The following PLCXD2 variants were observed in gnomAD, a reference collection of about 807,000 sequenced individuals.
The protein encoded by PLCXD2 is PI-PLC X domain-containing protein 2.
PLCXD2 carries 21 observed loss-of-function variants against 28.6 expected under a neutral mutation model. The ratio of observed to expected loss-of-function variants is 0.73; its 90% CI spans 0.52 to 1.06. The LOEUF (loss-of-function observed/expected upper bound fraction) is 1.06. PLCXD2 is among the 50% of genes least tolerant of loss of function. The probability of loss-of-function intolerance (pLI) is 0.00; values close to 1 mark genes in which losing one functional copy is unlikely to be tolerated. For missense variants in PLCXD2, 369 were observed against 376.7 expected (o/e 0.98, Z 0.17); for synonymous variants, 140 against 150.1 (o/e 0.93, Z 0.49).
At chr3:111,704,658 T>C (rs537827050) in intron 1 of PLCXD2, among the ~76,000 whole-genome samples, 34 of 152,322 alleles carry the variant, frequency 2.2e-4, no homozygotes, top group African/African-American at 8.2e-4. Flanking sequence ...ATCAGTGTAA[T>C]TGGTATAACC....
intron 3 of PLCXD2, chr3:111,724,513 G>A (rs1941389401): frequency 6.6e-6 from 1 of 152,188 alleles, no homozygotes; most frequent in Admixed American, 6.5e-5. Context: ...TTTATGGCGT[G>A]GCGGGACTTT....
intron 1 of PLCXD2, among the ~76,000 whole-genome samples, chr3:111,689,697 G>C (rs1004626512): frequency 6.6e-6 from 1 of 152,274 alleles, no homozygotes; most frequent in Admixed American, 6.5e-5. Context: ...AAAGTGGAGG[G>C]AAAGAAGAAG....
intron 1 of PLCXD2, among the ~76,000 whole-genome samples, chr3:111,688,622 C>T (rs1403133301): frequency 6.6e-6 from 1 of 152,210 alleles, no homozygotes; most frequent in Non-Finnish European, 1.5e-5. Flanking sequence ...CATCCTTATA[C>T]TTTCCCTTAT....
chr3:111,682,159 TTC>T (rs1940726264), intron 1 of PLCXD2, among the ~76,000 whole-genome samples: 1 of 152,202 alleles, frequency 6.6e-6, no homozygotes, highest in Admixed American at 6.5e-5. Flanking sequence ...TCCTTCCACC[TTC>T]TCTCTTGTGT....
At chr3:111,684,420 G>A (rs1040477827) in intron 1 of PLCXD2, among the ~76,000 whole-genome samples, 16 of 151,250 alleles carry the variant, frequency 1.1e-4, no homozygotes, top group East Asian at 5.9e-4. Context: ...TTGGAAAGCC[G>A]AGGCTGGTGG....
chr3:111,690,686 C>T (rs1297628805), intron 1 of PLCXD2, among the ~76,000 whole-genome samples: 2 of 152,196 alleles, frequency 1.3e-5, no homozygotes, highest in Non-Finnish European at 2.9e-5. Flanking sequence ...ATTTTCTCTC[C>T]TCCCTTTTCC....
intron 1 of PLCXD2, among the ~76,000 whole-genome samples, chr3:111,681,650 CT>C (rs1655590570): frequency 6.6e-6 from 1 of 152,206 alleles, no homozygotes; most frequent in Non-Finnish European, 1.5e-5. Context: ...TCAACCTCCA[CT>C]GGGCCCAAAT....
intron 1 of PLCXD2, among the ~76,000 whole-genome samples, chr3:111,683,507 A>C (rs1027406427): frequency 6.6e-6 from 1 of 152,186 alleles, no homozygotes; most frequent in African/African-American, 2.4e-5. Flanking sequence ...AAGTGAAACA[A>C]AATGACCCAG....
At chr3:111,696,102 A>C (rs1483417724) in intron 1 of PLCXD2, among the ~76,000 whole-genome samples, 1 of 152,154 alleles carries the variant, frequency 6.6e-6, no homozygotes, top group Non-Finnish European at 1.5e-5. Flanking sequence ...ATTCCATTGG[A>C]GGGGGGCATC....
At chr3:111,704,420 T>C (rs1484007873) in intron 1 of PLCXD2, among the ~76,000 whole-genome samples, 1 of 152,236 alleles carries the variant, frequency 6.6e-6, no homozygotes, top group Non-Finnish European at 1.5e-5. Flanking sequence ...TTGCTAAAGA[T>C]GATTTTCATC....
intron 1 of PLCXD2, among the ~76,000 whole-genome samples, chr3:111,695,264 C>G (rs376304136): frequency 2.7e-4 from 41 of 151,222 alleles, no homozygotes; most frequent in African/African-American, 8.5e-4. Flanking sequence ...AATCTTCTTA[C>G]AGTAGTCTCT....
intron 1 of PLCXD2, among the ~76,000 whole-genome samples, chr3:111,681,408 G>T (rs1334631907): frequency 6.6e-6 from 1 of 152,122 alleles, no homozygotes; most frequent in Non-Finnish European, 1.5e-5. Context: ...CTCATCACTT[G>T]CCCTCCTAAC....
At chr3:111,678,090 G>A (rs2107836304) in intron 1 of PLCXD2, among the ~76,000 whole-genome samples, 1 of 152,306 alleles carries the variant, frequency 6.6e-6, no homozygotes, top group South Asian at 2.1e-4. Context: ...CAAGCCTTCT[G>A]GCAACAATAG....
intron 3 of PLCXD2, chr3:111,720,855 G>A (rs1941336697): frequency 2.4e-6 from 1 of 416,796 alleles, no homozygotes; most frequent in African/African-American, 2.0e-5. Context: ...ACCTCCTACA[G>A]GAGGACACAG....
chr3:111,717,472 C>T (rs548275346), intron 3 of PLCXD2, among the ~76,000 whole-genome samples: 1 of 152,250 alleles, frequency 6.6e-6, no homozygotes, highest in South Asian at 2.1e-4. Context: ...TAAAGTAGCT[C>T]CTCTTCACTG....
intron 1 of PLCXD2, among the ~76,000 whole-genome samples, chr3:111,697,583 A>G (rs1246640496): frequency 6.6e-6 from 1 of 152,162 alleles, no homozygotes; most frequent in African/African-American, 2.4e-5. Flanking sequence ...GAGTGTTTTA[A>G]TGATATTTGG....
At chr3:111,718,544 T>G (rs1003453232) in intron 3 of PLCXD2, among the ~76,000 whole-genome samples, 40 of 147,440 alleles carry the variant, frequency 2.7e-4, no homozygotes, top group African/African-American at 8.8e-4. Flanking sequence ...TTGATTGATT[T>G]ATGATATGTG....
chr3:111,690,613 G>T (rs1003662696), intron 1 of PLCXD2, among the ~76,000 whole-genome samples: 2 of 152,078 alleles, frequency 1.3e-5, no homozygotes, highest in African/African-American at 4.8e-5. Context: ...TTCCCCGTTG[G>T]GTGTAATGTA....
At chr3:111,718,526 TA>T (rs1941304310) in intron 3 of PLCXD2, among the ~76,000 whole-genome samples, 3 of 121,068 alleles carry the variant, frequency 2.5e-5, no homozygotes, top group Non-Finnish European at 3.8e-5. Context: ...GATAGATAGA[TA>T]GATAGATTGA....
Sources: allele counts gnomAD v4.1 joint callset (sites outside exome capture counted in the v4.1 genomes callset), GRCh38; gene constraint gnomAD v4.1.1; transcripts MANE v1.5; gene names NCBI Gene and HGNC (gene_info 2026-07-23, HGNC 2026-07-21).